CCDC171: variants seen among roughly 807,000 people sequenced by gnomAD.
CCDC171 encodes the protein coiled-coil domain containing 171.
In CCDC171, 177 loss-of-function variants were observed where a neutral mutation model predicts 168.2. The ratio of observed to expected loss-of-function variants is 1.05; its 90% CI spans 0.93 to 1.19. The LOEUF (loss-of-function observed/expected upper bound fraction) is 1.19, where lower values mean the gene tolerates loss of function less well. Ranked by LOEUF, CCDC171 falls within the 50% of genes most tolerant of loss-of-function variation. The pLI is 0.00. For missense variants in CCDC171, 1,991 were observed against 1,539.0 expected, an observed-to-expected ratio of 1.29 and a Z score of -4.91; for synonymous variants, 687 against 540.8, an observed-to-expected ratio of 1.27 and a Z score of -3.75.
chr9:15,959,783 C>A (rs143409506), intron 25 of CCDC171, among the ~76,000 whole-genome samples: 1 of 152,068 alleles, frequency 6.6e-6, no homozygotes, highest in Non-Finnish European at 1.5e-5. Context: ...TGCCTTTCCT[C>A]CATGCAGACC....
chr9:15,874,549 G>C lies in CCDC171; in HGVS notation c.3486G>C (p.Ser1162=), dbSNP rs777658349. ...CCCTTTAGGTCAGAGATCAGATCTC[G>C]CTGTCATGGTCTGCGGCAAGTAGGA... ...NTLHKVRDQI[S]LSWSAASRND... Residue 1162 remains serine, a synonymous_variant, in exon 24 of 26, where the codon TCG becomes TCC. Transcript: ENST00000380701. The C allele has an allele frequency of 6.9e-6, 11 of 1,602,922 alleles. No homozygotes were observed. Among genetic ancestry groups the C allele is most frequent in the Middle Eastern group, 3.3e-4 (2 of 5,972 alleles).
At chr9:16,004,012 A>G (rs1021316074) in intron 3 of CCDC171, among the ~76,000 whole-genome samples, 1 of 152,186 alleles carries the variant, frequency 6.6e-6, no homozygotes, top group Non-Finnish European at 1.5e-5. Flanking sequence ...ACTGCAGGGG[A>G]TCGGCATTGA....
At chr9:15,776,329 G>A (rs1287619910) in intron 18 of CCDC171, 1 of 152,090 alleles carries the variant, frequency 6.6e-6, no homozygotes, top group Non-Finnish European at 1.5e-5. Flanking sequence ...TTAACAAAAG[G>A]ACTGTGTATT....
chr9:15,611,393 G>A (rs1182115688), intron 6 of CCDC171, among the ~76,000 whole-genome samples: 1 of 152,190 alleles, frequency 6.6e-6, no homozygotes, highest in South Asian at 2.1e-4. Context: ...ATTTAAGAAT[G>A]AGGCACTAAA....
In CCDC171 at chr9:15,827,130, C is replaced by A. The variant is rs115205086; in HGVS notation, c.3268-19572C>A. Among the ~76,000 whole-genome samples, 269 of 152,210 alleles carry A rather than the reference C, an allele frequency of 1.8e-3. 2 individuals are homozygous for A. Among genetic ancestry groups the A allele is most frequent in the African/African-American group, 6.1e-3 (252 of 41,538 alleles). On this transcript the variant is annotated intron_variant, in intron 21 of 25. Coordinates refer to ENST00000380701, the MANE Select transcript of CCDC171 (RefSeq NM_173550.4). ...GTCCTTCCTTTTTGGCACCACCACTCGTAGCTAGTTGCCTATTGCTCCCTT... is the reference window on the plus strand; with the variant it reads ...GTCCTTCCTTTTTGGCACCACCACTAGTAGCTAGTTGCCTATTGCTCCCTT...
intron 24 of CCDC171, among the ~76,000 whole-genome samples, chr9:15,915,822 G>T (rs114081111): frequency 0.014 from 2,108 of 152,122 alleles, 51 homozygotes; most frequent in African/African-American, 0.047. Flanking sequence ...TTATCATGAT[G>T]GTATACTGAA....
At chr9:15,598,218 C>G (rs536246141) in intron 6 of CCDC171, among the ~76,000 whole-genome samples, 1 of 152,170 alleles carries the variant, frequency 6.6e-6, no homozygotes, top group South Asian at 2.1e-4. Context: ...TCTTGCTTCT[C>G]TAGTTCTTTT....
chr9:15,565,357 TA>T (rs2039649243), intron 2 of CCDC171, among the ~76,000 whole-genome samples: 1 of 152,180 alleles, frequency 6.6e-6, no homozygotes, highest in Non-Finnish European at 1.5e-5. Context: ...TCAAAGTTTT[TA>T]AATTTTTCTG....
chr9:15,902,392 AG>A (rs1163565483), intron 24 of CCDC171, among the ~76,000 whole-genome samples: 13 of 152,186 alleles, frequency 8.5e-5, no homozygotes, highest in Non-Finnish European at 1.6e-4. Context: ...TTTTTGTTAA[AG>A]AATAATTGAT....
chr9:15,846,393 A>C (rs1406358580), intron 21 of CCDC171, among the ~76,000 whole-genome samples: 1 of 152,144 alleles, frequency 6.6e-6, no homozygotes, highest in Non-Finnish European at 1.5e-5. Context: ...TTTTTTCATC[A>C]TTAAAAGAAA....
At chr9:16,090,358 C>T in the CCDC171 span, among the ~76,000 whole-genome samples, 2 of 151,910 alleles carry the variant, frequency 1.3e-5, no homozygotes, top group African/African-American at 2.4e-5. Flanking sequence ...TAAGTGGGAG[C>T]TGAACAATGA....
At chr9:15,905,522 A>C (rs935676321) in intron 24 of CCDC171, among the ~76,000 whole-genome samples, 2 of 152,198 alleles carry the variant, frequency 1.3e-5, no homozygotes, top group East Asian at 1.9e-4. Flanking sequence ...CATTCAAAGC[A>C]GTGTGTAGAG....
intron 3 of CCDC171, among the ~76,000 whole-genome samples, chr9:15,576,308 A>G (rs2040659170): frequency 1.3e-5 from 2 of 151,802 alleles, no homozygotes; most frequent in African/African-American, 4.8e-5. Flanking sequence ...GTAGCTTCCC[A>G]AGTAGCCAGG....
chr9:15,817,174 CT>C (rs1172664131), intron 21 of CCDC171, among the ~76,000 whole-genome samples: 1 of 118,046 alleles, frequency 8.5e-6, no homozygotes, highest in East Asian at 2.1e-4. Context: ...AACCAAGAAC[CT>C]TTGCCAGTGT....
At chr9:15,806,701 C>G (rs2059095170) in intron 21 of CCDC171, among the ~76,000 whole-genome samples, 1 of 151,914 alleles carries the variant, frequency 6.6e-6, no homozygotes, top group Admixed American at 6.6e-5. Context: ...GATTATGTGT[C>G]TTGGGATGCT....
chr9:15,809,623 C>T (rs920358708), intron 21 of CCDC171, among the ~76,000 whole-genome samples: 1 of 149,154 alleles, frequency 6.7e-6, no homozygotes, highest in African/African-American at 2.6e-5. Flanking sequence ...GTTGTTCATT[C>T]TTCCTGTCCG....
chr9:16,031,479 A>G (rs1306641724), intron 6 of CCDC171, among the ~76,000 whole-genome samples: 2 of 152,222 alleles, frequency 1.3e-5, no homozygotes, highest in African/African-American at 2.4e-5. Flanking sequence ...GCCACACTAG[A>G]GTCACAGTGT....
chr9:15,611,179 A>T (rs1174363489), intron 6 of CCDC171, among the ~76,000 whole-genome samples: 1 of 152,076 alleles, frequency 6.6e-6, no homozygotes, highest in Non-Finnish European at 1.5e-5. Flanking sequence ...ACCTTCTACC[A>T]TGATTGTAAA....
intron 6 of CCDC171, among the ~76,000 whole-genome samples, chr9:15,613,548 G>A (rs559438671): frequency 6.7e-6 from 1 of 148,184 alleles, no homozygotes; most frequent in South Asian, 2.1e-4. Context: ...TTTTCAGATG[G>A]AGTCTCGCTC....
Sources: allele counts gnomAD v4.1 joint callset (sites outside exome capture counted in the v4.1 genomes callset), GRCh38; gene constraint gnomAD v4.1.1; transcripts MANE v1.5; gene names NCBI Gene and HGNC (gene_info 2026-07-23, HGNC 2026-07-21).